Variants in ARHGEF4 observed in about 807,000 individuals in gnomAD.
ARHGEF4 encodes the protein Rho guanine nucleotide exchange factor 4, also known as APC-stimulated guanine nucleotide exchange factor 1.
A neutral mutation model predicts 162.0 loss-of-function variants in ARHGEF4; 119 were observed. The observed-to-expected ratio is 0.73, with a 90% CI of 0.63 to 0.86. The LOEUF is 0.86. ARHGEF4 is among the 40% of genes least tolerant of loss of function. The pLI, the probability that ARHGEF4 is intolerant of heterozygous loss-of-function variation, is 0.00. For missense variants in ARHGEF4, 2,488 were observed against 2,456.0 expected, an observed-to-expected ratio of 1.01 and a Z score of -0.28; for synonymous variants, 1,014 against 979.9, an observed-to-expected ratio of 1.03 and a Z score of -0.65.
chr2:130,975,376 A>G (rs1685637411), intron 4 of ARHGEF4, among the ~76,000 whole-genome samples: 1 of 151,950 alleles, frequency 6.6e-6, no homozygotes, highest in African/African-American at 2.4e-5. Context: ...TCAGATGCAA[A>G]CCACCAGGCC....
intron 4 of ARHGEF4, among the ~76,000 whole-genome samples, chr2:131,026,388 T>G (rs935631055): frequency 1.3e-5 from 2 of 152,160 alleles, no homozygotes; most frequent in African/African-American, 4.8e-5. Context: ...ATATTAAAAT[T>G]AAGGACTTCC....
In ARHGEF4 at chr2:131,027,958, A is replaced by T; in HGVS notation, c.3999A>T (p.Gly1333=). The T allele has an allele frequency of 1.2e-6, 2 of 1,613,810 alleles. No individual in the cohort carries two copies. The highest frequency in any genetic ancestry group is 1.7e-6 in the Non-Finnish European group (2 of 1,180,000). The stretch of plus-strand genomic sequence containing the variant: ...CTCTCCTTCCAGCCATGCCTGATGG[A>T]GCTCTGGACACAGCTGTCTGCGCTG... ...EHTPGTAMPD[G]ALDTAVCADE... The change falls in exon 5 of 14, where the codon GGA becomes GGT. Residue 1333 remains glycine, a synonymous_variant. Transcript: ENST00000409359.
chr2:131,046,301 G>T lies in ARHGEF4; in HGVS notation c.*112G>T. The T allele has an allele frequency of 1.7e-6, 2 of 1,149,082 alleles. No homozygotes were observed. The highest frequency in any genetic ancestry group is 2.4e-6 in the Non-Finnish European group (2 of 821,002). The allele number at this position is 1,149,082 out of a possible 1,614,324, so 71.2% of individuals were successfully genotyped here. On this transcript the variant is annotated 3_prime_UTR_variant, in exon 14 of 14. Coordinates refer to ENST00000409359, the MANE Select transcript of ARHGEF4 (RefSeq NM_001367493.1). ...CCTCTGCCTGCAAGTGAGCAGGGAT[G>T]GGCTGGGGAGTTGCTTGTGCCACCA...
At chr2:130,991,139 C>T (rs1686926422) in intron 4 of ARHGEF4, among the ~76,000 whole-genome samples, 1 of 152,202 alleles carries the variant, frequency 6.6e-6, no homozygotes, top group African/African-American at 2.4e-5. Flanking sequence ...AACAGTGTGC[C>T]ACTCATGATG....
chr2:130,865,675 A>G (rs188899973), intron 1 of ARHGEF4, among the ~76,000 whole-genome samples: 2 of 152,134 alleles, frequency 1.3e-5, no homozygotes, highest in Non-Finnish European at 2.9e-5. Flanking sequence ...TTTCCTTTCC[A>G]TGTGATGGTG....
chr2:130,943,869 T>A (rs1683450964), intron 3 of ARHGEF4, among the ~76,000 whole-genome samples: 1 of 152,242 alleles, frequency 6.6e-6, no homozygotes, highest in African/African-American at 2.4e-5. Context: ...TTTACCCAGC[T>A]ATTTATTATT....
chr2:130,966,095 T>C lies in ARHGEF4; in HGVS notation c.3985+19460T>C, dbSNP rs13406757. 6.1e-3 allele frequency among the ~76,000 whole-genome samples: 930 copies of C among 152,250 alleles called. 8 individuals carry two copies. Among genetic ancestry groups the C allele is most frequent in the African/African-American group, 0.021 (888 of 41,550 alleles). Reference sequence around the variant, plus strand: ...ATCTCTAGGTCCACAGGCAGCACACTACCCGGGGAGTGCTGGTCAGTAACC... The same window carrying C: ...ATCTCTAGGTCCACAGGCAGCACACCACCCGGGGAGTGCTGGTCAGTAACC... On this transcript the variant is annotated intron_variant, in intron 4 of 13. Coordinates refer to ENST00000409359, the MANE Select transcript of ARHGEF4 (RefSeq NM_001367493.1).
chr2:130,955,520 TAAAGGAG>T, intron 4 of ARHGEF4, among the ~76,000 whole-genome samples: 1 of 152,206 alleles, frequency 6.6e-6, no homozygotes. Context: ...ATGTTGCTCC[TAAAGGAG>T]ATACAGCACT....
intron 1 of ARHGEF4, among the ~76,000 whole-genome samples, chr2:130,891,639 C>T (rs2104989981): frequency 6.6e-6 from 1 of 152,320 alleles, no homozygotes; most frequent in Admixed American, 6.5e-5. Flanking sequence ...TCTTGGCTTG[C>T]AGACGGCCGC....
intron 1 of ARHGEF4, among the ~76,000 whole-genome samples, chr2:130,849,135 C>G (rs1375304461): frequency 6.6e-6 from 1 of 152,198 alleles, no homozygotes; most frequent in Non-Finnish European, 1.5e-5. Flanking sequence ...GGCCTTGGTT[C>G]TGGCTCCGTG....
chr2:130,873,331 G>C (rs932722210), intron 1 of ARHGEF4, among the ~76,000 whole-genome samples: 1 of 152,208 alleles, frequency 6.6e-6, no homozygotes, highest in African/African-American at 2.4e-5. Flanking sequence ...GGCCACGCCT[G>C]TAATCCTAGC....
rs1174212061 is a variant in ARHGEF4 at position 130,988,899 on chromosome 2, T to TAGAGAGAG, written c.3986-39045_3986-39044insGAGAGAGA. Among the ~76,000 whole-genome samples the TAGAGAGAG allele has an allele frequency of 3.2e-3, 363 of 113,014 alleles. 1 individual carries two copies. Among genetic ancestry groups the TAGAGAGAG allele is most frequent in the South Asian group, 6.7e-3 (18 of 2,690 alleles). The allele number at this position is 113,014 out of a possible 152,430, so 74.1% of individuals were successfully genotyped here. A position where few individuals can be genotyped will look rare whatever the true frequency, so the allele number is the denominator to read the frequency against. On this transcript the variant is annotated intron_variant, in intron 4 of 13. Transcript: ENST00000409359. Reference sequence around the variant, plus strand: ...ATATATATATATATATATATATATATATAGAGAGAGAGAGAGAGAGAGAGA... The same window carrying TAGAGAGAG: ...ATATATATATATATATATATATATATAGAGAGAGATAGAGAGAGAGAGAGAGAGAGAGA...
At chr2:130,933,378 G>C (rs1233111147) in intron 3 of ARHGEF4, among the ~76,000 whole-genome samples, 1 of 152,040 alleles carries the variant, frequency 6.6e-6, no homozygotes, top group Non-Finnish European at 1.5e-5. Flanking sequence ...AGTCTTCTTT[G>C]TTCTTTTTCA....
intron 4 of ARHGEF4, among the ~76,000 whole-genome samples, chr2:130,970,936 T>C (rs1475994168): frequency 1.3e-5 from 2 of 152,232 alleles, no homozygotes; most frequent in Non-Finnish European, 2.9e-5. Flanking sequence ...ATTTTTCATC[T>C]CTCTGTCTTA....
chr2:131,035,802 C>A, intron 5 of ARHGEF4: 1 of 985,350 alleles, frequency 1.0e-6, no homozygotes, highest in Non-Finnish European at 1.2e-6. Flanking sequence ...GCACAAACTG[C>A]GGGTGTTCAC....
intron 4 of ARHGEF4, among the ~76,000 whole-genome samples, chr2:130,956,619 A>C (rs1240981257): frequency 2.0e-5 from 3 of 151,354 alleles, no homozygotes; most frequent in African/African-American, 7.3e-5. Flanking sequence ...GCACATATAC[A>C]CCATGGAATA....
chr2:131,012,155 G>A (rs1368008843), intron 4 of ARHGEF4, among the ~76,000 whole-genome samples: 1 of 152,154 alleles, frequency 6.6e-6, no homozygotes, highest in Non-Finnish European at 1.5e-5. Flanking sequence ...CTTGGAGGGA[G>A]GGTAGGGGCA....
chr2:130,896,745 G>A (rs763585306), intron 1 of ARHGEF4, among the ~76,000 whole-genome samples: 2 of 152,178 alleles, frequency 1.3e-5, no homozygotes, highest in Non-Finnish European at 2.9e-5. Context: ...GAGGACCAGG[G>A]CTGGCCTAGA....
intron 4 of ARHGEF4, among the ~76,000 whole-genome samples, chr2:131,009,833 A>G (rs901528695): frequency 2.0e-5 from 3 of 152,196 alleles, no homozygotes; most frequent in Admixed American, 6.5e-5. Flanking sequence ...GCTGGTTTAC[A>G]CTGACTTTTC....
Sources: allele counts gnomAD v4.1 joint callset (sites outside exome capture counted in the v4.1 genomes callset), GRCh38; gene constraint gnomAD v4.1.1; transcripts MANE v1.5; gene names NCBI Gene and HGNC (gene_info 2026-07-23, HGNC 2026-07-21).